RTF2: variants seen among roughly 807,000 people sequenced by gnomAD.
The protein encoded by RTF2 is UPF0549 protein C20orf43.
A neutral mutation model predicts 38.0 loss-of-function variants in RTF2; 18 were observed. The observed-to-expected ratio is 0.47, with a 90% CI of 0.33 to 0.70. The LOEUF is 0.70. Ranked by LOEUF, RTF2 falls within the 30% of genes least tolerant of loss-of-function variation. RTF2 has a pLI of 0.02. For synonymous variants in RTF2, 126 were observed against 137.1 expected, an observed-to-expected ratio of 0.92 and a Z score of 0.57; for missense variants, 311 against 379.6, an observed-to-expected ratio of 0.82 and a Z score of 1.50.
In RTF2 at chr20:56,470,346, G is replaced by A. The variant is rs114723576; in HGVS notation, c.69+1580G>A. Among the ~76,000 whole-genome samples, 440 of 152,268 alleles carry A rather than the reference G, an allele frequency of 2.9e-3. 3 individuals are homozygous for A. The highest frequency in any genetic ancestry group is 9.6e-3 in the African/African-American group (400 of 41,550). ...AAGAGGGTAGAAAAGAAGGAAGAGC[G>A]ATTCAAAAAAGCCAGAATGCCTAGG... is the stretch of plus-strand genomic sequence containing the variant. On this transcript the variant is annotated intron_variant, in intron 1 of 8. Transcript: ENST00000357348.
chr20:56,512,852 G>C (rs1984771776), intron 5 of RTF2, among the ~76,000 whole-genome samples: 1 of 152,154 alleles, frequency 6.6e-6, no homozygotes, highest in African/African-American at 2.4e-5. Flanking sequence ...CAACGAAACT[G>C]CAACACGTGT....
At chr20:56,499,151 C>T (rs1486710548) in intron 5 of RTF2, among the ~76,000 whole-genome samples, 1 of 151,554 alleles carries the variant, frequency 6.6e-6, no homozygotes, top group Non-Finnish European at 1.5e-5. Flanking sequence ...TGGAACCTTA[C>T]AGCCTAATTT....
chr20:56,491,019 C>T (rs922400699), intron 5 of RTF2, among the ~76,000 whole-genome samples: 17 of 152,178 alleles, frequency 1.1e-4, no homozygotes, highest in African/African-American at 4.1e-4. Context: ...ACACTTGGGG[C>T]ACCCTTTTTA....
intron 4 of RTF2, among the ~76,000 whole-genome samples, chr20:56,482,804 A>G (rs1029172881): frequency 6.6e-6 from 1 of 152,206 alleles, no homozygotes; most frequent in Non-Finnish European, 1.5e-5. Context: ...GTGAAATATG[A>G]AAGTGCTTTA....
At chr20:56,484,978 G>A (rs1982716711) in intron 5 of RTF2, among the ~76,000 whole-genome samples, 1 of 152,176 alleles carries the variant, frequency 6.6e-6, no homozygotes, top group Admixed American at 6.5e-5. Context: ...TTCACTGAGT[G>A]ATGGTTAGGG....
At chr20:56,469,058 T>G (rs1266833438) in intron 1 of RTF2, among the ~76,000 whole-genome samples, 1 of 152,182 alleles carries the variant, frequency 6.6e-6, no homozygotes, top group East Asian at 1.9e-4. Context: ...AAGTTGAGGC[T>G]CAAAAGGAGA....
chr20:56,510,521 A>C (rs958835601), intron 5 of RTF2, among the ~76,000 whole-genome samples: 3 of 152,262 alleles, frequency 2.0e-5, no homozygotes, highest in African/African-American at 4.8e-5. Flanking sequence ...AGTTTCATAG[A>C]CAAGATGATA....
chr20:56,502,756 C>T (rs1296821061), intron 5 of RTF2, among the ~76,000 whole-genome samples: 1 of 152,126 alleles, frequency 6.6e-6, no homozygotes, highest in Admixed American at 6.5e-5. Flanking sequence ...TTTCTGAGAG[C>T]TTTACTTTTC....
At chr20:56,497,316 A>G (rs1369313379) in intron 5 of RTF2, 3 of 1,550,554 alleles carry the variant, frequency 1.9e-6, no homozygotes, top group Admixed American at 2.0e-5. Context: ...GGGTCTGGTT[A>G]TGAAATGCAG....
rs181886725 is a variant in RTF2, at chr20:56,493,091, G to A, written c.477+8902G>A. Among the ~76,000 whole-genome samples the A allele has an allele frequency of 4.1e-3, 617 of 152,166 alleles. 4 individuals carry two copies. The highest frequency in any genetic ancestry group is 0.014 in the African/African-American group (583 of 41,522). On this transcript the variant is annotated intron_variant, in intron 5 of 8. Transcript: ENST00000357348. ...CTCAGGAGGCTGAGGCAGGAGAATCGCTTGAACCAGGGAGTCAGAGGTTGC... is the reference window on the plus strand; with the variant it reads ...CTCAGGAGGCTGAGGCAGGAGAATCACTTGAACCAGGGAGTCAGAGGTTGC...
At chr20:56,475,154 G>A (rs916195818) in intron 3 of RTF2, among the ~76,000 whole-genome samples, 2 of 152,186 alleles carry the variant, frequency 1.3e-5, no homozygotes, top group African/African-American at 2.4e-5. Context: ...GGTGATTAGA[G>A]GTTCTGATTG....
At chr20:56,470,408 A>G (rs1981897485) in intron 1 of RTF2, among the ~76,000 whole-genome samples, 1 of 152,192 alleles carries the variant, frequency 6.6e-6, no homozygotes, top group Non-Finnish European at 1.5e-5. Context: ...CACACAACAA[A>G]TGCTTAATAA....
Position 56,476,169 on chromosome 20 carries a change from A to G in RTF2, c.259-816A>G, listed in dbSNP as rs533020837. On this transcript the variant is annotated intron_variant, in intron 3 of 8. Transcript: ENST00000357348. Reference sequence around the variant, plus strand: ...GAATAGCTGTGTCTTGGAGTGTGACAGTATTTTCTGGCTAATATTCTGCCT... The same window carrying G: ...GAATAGCTGTGTCTTGGAGTGTGACGGTATTTTCTGGCTAATATTCTGCCT... 4.6e-5 allele frequency among the ~76,000 whole-genome samples: 7 copies of G among 152,328 alleles called. No individual in the cohort carries two copies. In the East Asian group the frequency reaches 5.8e-4, roughly 13 times the overall value.
chr20:56,515,114 A>T (rs1984942624), intron 6 of RTF2, among the ~76,000 whole-genome samples: 1 of 152,090 alleles, frequency 6.6e-6, no homozygotes, highest in South Asian at 2.1e-4. Flanking sequence ...TCTTATATAA[A>T]GTGTGTTAAT....
Position 56,468,901 on chromosome 20 carries a change from T to G in RTF2, c.69+135T>G, listed in dbSNP as rs886342992. ...CGGTCTTTTATTCCATTCAGAGGAC[T>G]CAAAATTAACAACAGTATTAAGAGT... On this transcript the variant is annotated intron_variant, in intron 1 of 8. Coordinates refer to ENST00000357348, the MANE Select transcript of RTF2 (RefSeq NM_016407.5). 5 of 676,514 alleles carry G rather than the reference T, an allele frequency of 7.4e-6. No homozygotes were observed. In the Admixed American group the frequency reaches 1.1e-4, roughly 15 times the overall value. 41.9% of individuals were successfully genotyped at this position (676,514 alleles called of 1,614,324 possible). A position where few individuals can be genotyped will look rare whatever the true frequency, so the allele number is the denominator to read the frequency against.
rs376822247 is a variant in RTF2 at position 56,474,778 on chromosome 20, C to G, written c.258+7C>G. On this transcript the variant is annotated splice_region_variant and intron_variant, in intron 3 of 8. Coordinates refer to ENST00000357348, the MANE Select transcript of RTF2 (RefSeq NM_016407.5). ...TCACATTAAAAGCATTAAGGTAACA[C>G]GAGTGATTCTGAAGTGCTGTGAGGG... 5 of 1,565,870 alleles carry G rather than the reference C, an allele frequency of 3.2e-6. No individual in the cohort carries two copies. In the South Asian group the frequency reaches 4.5e-5, roughly 14 times the overall value.
At chr20:56,474,109 C>T (rs569140001) in intron 2 of RTF2, among the ~76,000 whole-genome samples, 13 of 152,148 alleles carry the variant, frequency 8.5e-5, no homozygotes, top group East Asian at 1.9e-4. Flanking sequence ...CGTACTTATA[C>T]GTTAAATTTC....
intron 5 of RTF2, among the ~76,000 whole-genome samples, chr20:56,508,610 G>A (rs763784957): frequency 6.6e-6 from 1 of 152,148 alleles, no homozygotes; most frequent in Non-Finnish European, 1.5e-5. Context: ...CACTCAATAT[G>A]TGACTCTTTG....
At chr20:56,477,565 T>G (rs1408387127) in intron 4 of RTF2, among the ~76,000 whole-genome samples, 1 of 152,180 alleles carries the variant, frequency 6.6e-6, no homozygotes, top group Non-Finnish European at 1.5e-5. Flanking sequence ...TTTTTTTAAG[T>G]AGAAATAAGG....
Sources: allele counts gnomAD v4.1 joint callset (sites outside exome capture counted in the v4.1 genomes callset), GRCh38; gene constraint gnomAD v4.1.1; transcripts MANE v1.5; gene names NCBI Gene and HGNC (gene_info 2026-07-23, HGNC 2026-07-21).